The following CACNA2D1 variants were observed in gnomAD, a reference collection of about 807,000 sequenced individuals.
CACNA2D1 encodes the protein voltage-dependent calcium channel subunit alpha-2/delta-1.
A neutral mutation model predicts 171.5 loss-of-function variants in CACNA2D1; 53 were observed. The ratio of observed to expected loss-of-function variants is 0.31; its 90% CI spans 0.25 to 0.39. The LOEUF (loss-of-function observed/expected upper bound fraction) is 0.39. Among genes scored for constraint, CACNA2D1 ranks in the 10% least tolerant of loss-of-function variants. CACNA2D1 has a pLI of 1.00. For synonymous variants in CACNA2D1, 442 were observed against 443.1 expected, an observed-to-expected ratio of 1.00 and a Z score of 0.03; for missense variants, 903 against 1,299.8, an observed-to-expected ratio of 0.69 and a Z score of 4.69.
intron 7 of CACNA2D1, among the ~76,000 whole-genome samples, chr7:82,082,729 T>C (rs1286996354): frequency 6.6e-6 from 1 of 151,376 alleles, no homozygotes; most frequent in Non-Finnish European, 1.5e-5. Flanking sequence ...TAGATTTTTG[T>C]CTGTCTCCTG....
intron 3 of CACNA2D1, among the ~76,000 whole-genome samples, chr7:82,299,712 T>C (rs901202423): frequency 4.5e-4 from 68 of 152,154 alleles, no homozygotes; most frequent in African/African-American, 1.6e-3. Flanking sequence ...TCAAAGTGTC[T>C]TCACTTCACT....
intron 3 of CACNA2D1, among the ~76,000 whole-genome samples, chr7:82,266,352 T>C (rs1287590205): frequency 6.6e-6 from 1 of 152,184 alleles, no homozygotes; most frequent in Admixed American, 6.5e-5. Context: ...AATATGCTTC[T>C]CTAAGTACTA....
At chr7:82,240,753 G>T (rs1489332245) in intron 3 of CACNA2D1, among the ~76,000 whole-genome samples, 3 of 152,028 alleles carry the variant, frequency 2.0e-5, no homozygotes, top group Admixed American at 2.0e-4. Flanking sequence ...CGGATCACAA[G>T]GTCAAGAGAT....
chr7:82,244,621 TAAGCAAGGGGAAAAA>T (rs775847987), intron 3 of CACNA2D1, among the ~76,000 whole-genome samples: 2 of 151,488 alleles, frequency 1.3e-5, no homozygotes, highest in Non-Finnish European at 2.9e-5. Context: ...AAAATAAAAT[TAAGCAAGGGGAAAAA>T]AAGCAAGCAA....
At chr7:82,247,225 C>T (rs1295919374) in intron 3 of CACNA2D1, among the ~76,000 whole-genome samples, 1 of 151,934 alleles carries the variant, frequency 6.6e-6, no homozygotes, top group East Asian at 1.9e-4. Context: ...ATAGAAAGAC[C>T]CAGGCTAGGC....
chr7:82,344,420 A>G (rs58976270), intron 2 of CACNA2D1, among the ~76,000 whole-genome samples: 23,147 of 152,246 alleles, frequency 0.15, 1,921 homozygotes, highest in South Asian at 0.28. Context: ...AAGTACTAGC[A>G]TAACTTCAGA....
chr7:82,270,319 T>TAC (rs1808451692), intron 3 of CACNA2D1, among the ~76,000 whole-genome samples: 1 of 152,190 alleles, frequency 6.6e-6, no homozygotes, highest in East Asian at 1.9e-4. Context: ...CTTACCCCTT[T>TAC]ACTTCATATA....
intron 10 of CACNA2D1, among the ~76,000 whole-genome samples, chr7:82,046,860 T>C (rs954746633): frequency 1.3e-5 from 2 of 152,204 alleles, no homozygotes; most frequent in Non-Finnish European, 2.9e-5. Context: ...AATCATGATG[T>C]AACCTATATT....
intron 12 of CACNA2D1, among the ~76,000 whole-genome samples, chr7:82,024,100 T>C (rs1414651089): frequency 2.0e-5 from 3 of 151,804 alleles, no homozygotes; most frequent in African/African-American, 7.2e-5. Flanking sequence ...CTATTTTGAA[T>C]AGTGCTGTAA....
intron 24 of CACNA2D1, among the ~76,000 whole-genome samples, chr7:81,980,333 C>T (rs1233821740): frequency 6.6e-6 from 1 of 152,002 alleles, no homozygotes; most frequent in Non-Finnish European, 1.5e-5. Context: ...GACACGACTA[C>T]TCAACCCTGT....
At chr7:81,980,172 C>CAAAAAAAAAAAAAAAAAAAAAAA (rs35616922) in intron 24 of CACNA2D1, among the ~76,000 whole-genome samples, 1 of 25,252 alleles carries the variant, frequency 4.0e-5, no homozygotes, top group Non-Finnish European at 6.9e-5. Context: ...TAAAACCAAG[C>CAAAAAAAAAAAAAAAAAAAAAAA]AAAAAAAAAA....
intron 1 of CACNA2D1, among the ~76,000 whole-genome samples, chr7:82,431,015 T>A (rs1829629312): frequency 6.6e-6 from 1 of 152,168 alleles, no homozygotes; most frequent in African/African-American, 2.4e-5. Context: ...ACAAAGCACA[T>A]CAAATGCTTT....
intron 3 of CACNA2D1, among the ~76,000 whole-genome samples, chr7:82,261,968 A>G (rs949150041): frequency 6.6e-6 from 1 of 152,144 alleles, no homozygotes; most frequent in Non-Finnish European, 1.5e-5. Flanking sequence ...TGTTGCTATT[A>G]TTTTTTATTA....
chr7:81,977,706 A>G (rs1052579698), intron 24 of CACNA2D1, among the ~76,000 whole-genome samples: 1 of 152,204 alleles, frequency 6.6e-6, no homozygotes, highest in African/African-American at 2.4e-5. Context: ...TAAAACACCA[A>G]AAGCAATGGC....
chr7:82,294,429 G>A (rs1812021751), intron 3 of CACNA2D1, among the ~76,000 whole-genome samples: 1 of 150,934 alleles, frequency 6.6e-6, no homozygotes, highest in Non-Finnish European at 1.5e-5. Flanking sequence ...TCTATATGGT[G>A]ACATGACTCA....
intron 1 of CACNA2D1, among the ~76,000 whole-genome samples, chr7:82,439,510 G>GA (rs1294966716): frequency 6.6e-6 from 1 of 151,610 alleles, no homozygotes; most frequent in Non-Finnish European, 1.5e-5. Flanking sequence ...TTAAATTAAT[G>GA]AAAGCCATGG....
chr7:82,129,516 T>A (rs563415378), intron 5 of CACNA2D1, among the ~76,000 whole-genome samples: 1 of 152,180 alleles, frequency 6.6e-6, no homozygotes, highest in Non-Finnish European at 1.5e-5. Flanking sequence ...ACAATTCACA[T>A]TGTCAAATTT....
intron 1 of CACNA2D1, among the ~76,000 whole-genome samples, chr7:82,423,783 G>C (rs2129457757): frequency 6.6e-6 from 1 of 152,186 alleles, no homozygotes; most frequent in Admixed American, 6.5e-5. Context: ...CGGTAATTTA[G>C]TTATGTCCTA....
chr7:82,303,152 C>T (rs577259771), intron 3 of CACNA2D1, among the ~76,000 whole-genome samples: 1 of 152,088 alleles, frequency 6.6e-6, no homozygotes, highest in African/African-American at 2.4e-5. Context: ...CGCCACCATG[C>T]CCAGCTAATT....
Sources: allele counts gnomAD v4.1 joint callset (sites outside exome capture counted in the v4.1 genomes callset), GRCh38; gene constraint gnomAD v4.1.1; transcripts MANE v1.5; gene names NCBI Gene and HGNC (gene_info 2026-07-23, HGNC 2026-07-21).